APPBP2: variants seen among roughly 807,000 people sequenced by gnomAD.
The protein encoded by APPBP2 is amyloid beta precursor protein binding protein 2.
APPBP2 carries 15 observed loss-of-function variants against 76.0 expected under a neutral mutation model. The ratio of observed to expected loss-of-function variants is 0.20; its 90% CI spans 0.13 to 0.30. The LOEUF (loss-of-function observed/expected upper bound fraction) is 0.30. APPBP2 is among the 10% of genes least tolerant of loss of function. The pLI is 1.00. For synonymous variants in APPBP2, 222 were observed against 242.2 expected, an observed-to-expected ratio of 0.92 and a Z score of 0.77; for missense variants, 401 against 687.2, an observed-to-expected ratio of 0.58 and a Z score of 4.66.
At chr17:60,482,114 C>G (rs1455037393) in intron 3 of APPBP2, among the ~76,000 whole-genome samples, 1 of 152,162 alleles carries the variant, frequency 6.6e-6, no homozygotes, top group Non-Finnish European at 1.5e-5. Context: ...CTTCTAACCT[C>G]AGGAGATCCG....
chr17:60,512,832 TAAA>T (rs770075935), intron 1 of APPBP2, among the ~76,000 whole-genome samples: 3 of 29,922 alleles, frequency 1.0e-4, no homozygotes, highest in Admixed American at 4.3e-4. Context: ...AGACTCCATC[TAAA>T]AAAAAAAAAA....
intron 2 of APPBP2, among the ~76,000 whole-genome samples, chr17:60,496,084 G>A (rs1048089911): frequency 6.6e-6 from 1 of 152,204 alleles, no homozygotes; most frequent in Non-Finnish European, 1.5e-5. Flanking sequence ...CAAATCCAGA[G>A]AGACAGAAAG....
chr17:60,484,028 T>C (rs2090653006), intron 3 of APPBP2, among the ~76,000 whole-genome samples: 1 of 152,174 alleles, frequency 6.6e-6, no homozygotes, highest in Non-Finnish European at 1.5e-5. Flanking sequence ...TTGTCAAAGA[T>C]CAGATGGTTG....
chr17:60,496,673 G>T (rs533372795), intron 2 of APPBP2, among the ~76,000 whole-genome samples: 1 of 151,960 alleles, frequency 6.6e-6, no homozygotes, highest in Admixed American at 6.6e-5. Flanking sequence ...TAGCACACAG[G>T]CCACATTTCA....
chr17:60,500,513 A>G (rs767011132), intron 1 of APPBP2, 26 bp from the exon 2 acceptor site: 28 of 1,543,544 alleles, frequency 1.8e-5, no homozygotes, highest in East Asian at 4.5e-5. Flanking sequence ...AATGATTTAA[A>G]AATTTTGCAA....
chr17:60,509,024 T>C (rs1406589300), intron 1 of APPBP2, among the ~76,000 whole-genome samples: 1 of 152,082 alleles, frequency 6.6e-6, no homozygotes, highest in East Asian at 1.9e-4. Flanking sequence ...AAGAGGTGTA[T>C]CAAGAAAATG....
intron 1 of APPBP2, among the ~76,000 whole-genome samples, chr17:60,502,040 ATT>A (rs1391474447): frequency 6.6e-6 from 1 of 152,130 alleles, no homozygotes; most frequent in Non-Finnish European, 1.5e-5. Context: ...AGCAAGAAAG[ATT>A]TGTTATTTTT....
In APPBP2 at chr17:60,494,556, A is replaced by G; in HGVS notation, c.289T>C (p.Leu97=). ...MDHGVKVASV[L]AYSFSRRCSY... ...CACCGCCTACTGAATGAGTAGGCCA[A>G]GACTGAAGCAACTTTAACACCATGA... The change falls in exon 3 of 13, where the codon TTG becomes CTG. Residue 97 remains leucine (L), a synonymous_variant. Transcript: ENST00000083182. The G allele has an allele frequency of 6.2e-7, 1 of 1,612,060 alleles. No individual in the cohort carries two copies. The highest frequency in any genetic ancestry group is 1.7e-4 in the Middle Eastern group (1 of 6,058).
intron 1 of APPBP2, among the ~76,000 whole-genome samples, chr17:60,518,967 C>T (rs2090986825): frequency 1.3e-5 from 2 of 152,042 alleles, no homozygotes; most frequent in Non-Finnish European, 2.9e-5. Flanking sequence ...TTACCTTTTT[C>T]CCCCCCTTTG....
At chr17:60,457,109 T>G (rs1442331791) in intron 9 of APPBP2, among the ~76,000 whole-genome samples, 1 of 147,398 alleles carries the variant, frequency 6.8e-6, no homozygotes, top group African/African-American at 2.6e-5. Context: ...TACTCCAGCA[T>G]GAGTGACAAA....
chr17:60,514,548 T>C (rs184089306), intron 1 of APPBP2, among the ~76,000 whole-genome samples: 27 of 152,366 alleles, frequency 1.8e-4, no homozygotes, highest in Admixed American at 1.0e-3. Flanking sequence ...ATCTCTAGTA[T>C]ACATAGAATA....
Position 60,466,247 on chromosome 17 carries a change from T to C in APPBP2, c.672+44A>G, listed in dbSNP as rs755291685. Reference sequence around the variant, plus strand: ...CTATTTGATTTACCCTCTGTTTTTATAGGTACTTATTGGTCACAGTGAAAT... The same window carrying C: ...CTATTTGATTTACCCTCTGTTTTTACAGGTACTTATTGGTCACAGTGAAAT... On this transcript the variant is annotated intron_variant, in intron 5 of 12. Transcript: ENST00000083182. 12 of 1,545,038 alleles carry C rather than the reference T, an allele frequency of 7.8e-6. No individual in the cohort carries two copies. In the South Asian group the frequency reaches 1.2e-4, roughly 15 times the overall value.
chr17:60,456,332 C>G lies in APPBP2; in HGVS notation c.1111G>C (p.Asp371His). ...IGIITHILPE[D>H]HLLLASSKRV... Reference sequence around the variant, plus strand: ...TTTGAAGAAGCCAAAAGAAGATGATCTTCAGGTAGGATGTGGGTAATGATA... The same window carrying G: ...TTTGAAGAAGCCAAAAGAAGATGATGTTCAGGTAGGATGTGGGTAATGATA... Residue 371 changes from aspartate (D) to histidine (H), a missense_variant, in exon 10 of 13, where the codon GAT becomes CAT. Physicochemically the swap from Asp to His is moderately conservative, Grantham distance 81. This residue lies in a region of APPBP2 where 130 missense variants were observed against 322.7 expected (regional missense o/e 0.40). Coordinates refer to ENST00000083182, the MANE Select transcript of APPBP2 (RefSeq NM_006380.5). 1 of 1,611,404 alleles carries G rather than the reference C, an allele frequency of 6.2e-7. No homozygotes were observed. The highest frequency in any genetic ancestry group is 1.1e-5 in the South Asian group (1 of 91,034).
intron 4 of APPBP2, among the ~76,000 whole-genome samples, chr17:60,476,295 C>T (rs147953097): frequency 6.6e-6 from 1 of 152,262 alleles, no homozygotes; most frequent in Admixed American, 6.5e-5. Flanking sequence ...GGCTTTGTGA[C>T]ATTAAATTGA....
chr17:60,457,836 A>G (rs2090442932), intron 9 of APPBP2, among the ~76,000 whole-genome samples: 1 of 152,222 alleles, frequency 6.6e-6, no homozygotes, highest in South Asian at 2.1e-4. Context: ...CACCCATTTA[A>G]TGTGTACAAT....
At chr17:60,525,509 A>C (rs533894313) in intron 1 of APPBP2, among the ~76,000 whole-genome samples, 26 of 152,322 alleles carry the variant, frequency 1.7e-4, no homozygotes, top group Non-Finnish European at 3.5e-4. Context: ...GGCGCGATAG[A>C]GTAAGTCCAC....
Position 60,443,546 on chromosome 17 carries a change from A to T in APPBP2, c.*4035T>A. 1 of 152,676 alleles carries T rather than the reference A, an allele frequency of 6.5e-6. No homozygotes were observed. Among genetic ancestry groups the T allele is most frequent in the East Asian group, 1.9e-4 (1 of 5,206 alleles). 9.5% of individuals were successfully genotyped at this position (152,676 alleles called of 1,614,324 possible). ...TAATATTTAATAAAACGTAGCATTCATTCACATCATAAAAGTAGAACTGAA... is the reference window on the plus strand; with the variant it reads ...TAATATTTAATAAAACGTAGCATTCTTTCACATCATAAAAGTAGAACTGAA... On this transcript the variant is annotated 3_prime_UTR_variant, in exon 13 of 13. Transcript: ENST00000083182.
chr17:60,498,546 T>C (rs1222001135), intron 2 of APPBP2, among the ~76,000 whole-genome samples: 3 of 152,064 alleles, frequency 2.0e-5, no homozygotes, highest in African/African-American at 4.8e-5. Context: ...CCATCAATAA[T>C]AGAATGAATA....
Position 60,446,880 on chromosome 17 carries a change from C to CTAAA in APPBP2, c.*700_*701insTTTA, listed in dbSNP as rs2090351305. 1 of 152,176 alleles carries CTAAA rather than the reference C, an allele frequency of 6.6e-6. No individual in the cohort carries two copies. The highest frequency in any genetic ancestry group is 2.4e-5 in the African/African-American group (1 of 41,384). 9.4% of individuals were successfully genotyped at this position (152,176 alleles called of 1,614,324 possible). A position where few individuals can be genotyped will look rare whatever the true frequency, so the allele number is the denominator to read the frequency against. On this transcript the variant is annotated 3_prime_UTR_variant, in exon 13 of 13. Transcript: ENST00000083182. ...TGGTCCTTTTTAGATCCTCCTGGTC[C>CTAAA]TGTTAGCAAATGCTATCAGAGCATC... is the stretch of plus-strand genomic sequence containing the variant.
Sources: gnomAD v4.1 joint callset for allele counts (sites outside exome capture counted in the v4.1 genomes callset) on GRCh38, gnomAD v4.1.1 for gene constraint, gnomAD v4.1.1 regional missense constraint, MANE v1.5 for transcripts, NCBI Gene and HGNC (gene_info 2026-07-23, HGNC 2026-07-21) for gene names.